Variants in NPEPPS observed in about 807,000 individuals in gnomAD.
NPEPPS encodes aminopeptidase puromycin sensitive.
Under a neutral mutation model 115.5 loss-of-function variants are expected in NPEPPS, and 14 were observed. The ratio of observed to expected loss-of-function variants is 0.12; its 90% CI spans 0.08 to 0.19. NPEPPS has a LOEUF of 0.19. Ranked by LOEUF, NPEPPS falls within the 10% of genes least tolerant of loss-of-function variation. NPEPPS has a pLI of 1.00. For synonymous variants in NPEPPS, 285 were observed against 390.6 expected (o/e 0.73, Z 3.19); for missense variants, 523 against 1,110.8 (o/e 0.47, Z 7.52).
intron 17 of NPEPPS, 96 bp from the exon 18 acceptor site, chr17:47,612,364 A>G: frequency 8.0e-7 from 1 of 1,254,552 alleles, no homozygotes; most frequent in South Asian, 1.4e-5. Flanking sequence ...TCAAGACCAT[A>G]GAATTGGTAT....
intron 22 of NPEPPS, among the ~76,000 whole-genome samples, chr17:47,621,149 C>T (rs897600031): frequency 1.4e-5 from 2 of 140,348 alleles, no homozygotes; most frequent in Non-Finnish European, 3.0e-5. Context: ...TCATTGCACT[C>T]TAGCCTGGGC....
Position 47,543,114 on chromosome 17 carries a change from C to G in NPEPPS, c.256-2795C>G, listed in dbSNP as rs181185621. Among the ~76,000 whole-genome samples, 247 of 149,924 alleles carry G rather than the reference C, an allele frequency of 1.6e-3. 2 individuals carry two copies. The highest frequency in any genetic ancestry group is 5.9e-3 in the African/African-American group (241 of 40,758). ...ATCGCAAGATCGCATCATTGGCACT[C>G]CATCCTGGGCGAGAGAGCGAGACTC... On this transcript the variant is annotated intron_variant, in intron 1 of 22. Transcript: ENST00000322157.
intron 2 of NPEPPS, among the ~76,000 whole-genome samples, chr17:47,550,328 T>TG (rs1210368996): frequency 1.4e-5 from 2 of 145,902 alleles, no homozygotes; most frequent in African/African-American, 5.0e-5. Context: ...GGCATGTGTG[T>TG]GTTTTTTTTT....
rs908738536 is a variant in NPEPPS at position 47,586,013 on chromosome 17, C to T, written c.850-135C>T. The T allele has an allele frequency of 1.4e-5, 13 of 948,762 alleles. No individual in the cohort carries two copies. In the Admixed American group the frequency reaches 2.5e-4, roughly 18 times the overall value. The allele number at this position is 948,762 out of a possible 1,614,324, so 58.8% of individuals were successfully genotyped here. A position where few individuals can be genotyped will look rare whatever the true frequency, so the allele number is the denominator to read the frequency against. On this transcript the variant is annotated intron_variant, in intron 6 of 22. Coordinates refer to ENST00000322157, the MANE Select transcript of NPEPPS (RefSeq NM_006310.4). ...CAAAGTTTGGAGCTAAGGCAGTCTT[C>T]GGAGGGTAGGGCTCCTCGGGATTCA...
At chr17:47,546,603 A>G (rs1277810827) in intron 2 of NPEPPS, among the ~76,000 whole-genome samples, 1 of 151,904 alleles carries the variant, frequency 6.6e-6, no homozygotes, top group Non-Finnish European at 1.5e-5. Flanking sequence ...CAGTGGCGTG[A>G]TCTCAGCTCA....
chr17:47,588,479 A>G (rs112786051), intron 9 of NPEPPS, among the ~76,000 whole-genome samples: 5 of 151,128 alleles, frequency 3.3e-5, no homozygotes, highest in South Asian at 2.1e-4. Context: ...CAGAAGAATC[A>G]CTTGAACCTG....
At chr17:47,611,321 G>A (rs996419886) in intron 17 of NPEPPS, among the ~76,000 whole-genome samples, 3 of 151,858 alleles carry the variant, frequency 2.0e-5, no homozygotes, top group South Asian at 2.1e-4. Flanking sequence ...TTAGCCGGGC[G>A]TGGTGGCACA....
At chr17:47,567,081 A>G (rs532430676) in intron 2 of NPEPPS, among the ~76,000 whole-genome samples, 1 of 152,304 alleles carries the variant, frequency 6.6e-6, no homozygotes, top group South Asian at 2.1e-4. Context: ...TCCTGTCTCA[A>G]AAAACAAAAC....
chr17:47,554,328 C>T (rs1287126991), intron 2 of NPEPPS, among the ~76,000 whole-genome samples: 4 of 152,172 alleles, frequency 2.6e-5, no homozygotes, highest in Admixed American at 2.6e-4. Context: ...GCATGAGCCA[C>T]CGCGCCCAGC....
chr17:47,613,476 AGGCT>A (rs1245676300), intron 18 of NPEPPS, among the ~76,000 whole-genome samples, 189 bp from the exon 19 acceptor site: 1 of 151,934 alleles, frequency 6.6e-6, no homozygotes, highest in Non-Finnish European at 1.5e-5. Flanking sequence ...CATGTTGACC[AGGCT>A]GGCCTGGAAC....
At chr17:47,548,999 A>G (rs2143724950) in intron 2 of NPEPPS, among the ~76,000 whole-genome samples, 1 of 152,276 alleles carries the variant, frequency 6.6e-6, no homozygotes, top group South Asian at 2.1e-4. Flanking sequence ...TTAATGGAAA[A>G]GGAGATTTGA....
rs373373883 is a variant in NPEPPS, at chr17:47,618,398, G to A, written c.2344G>A (p.Val782Ile). 183 of 1,613,750 alleles carry A rather than the reference G, an allele frequency of 1.1e-4. No individual in the cohort carries two copies. Among genetic ancestry groups the A allele is most frequent in the Non-Finnish European group, 1.3e-4 (158 of 1,179,856 alleles). Residue 782 changes from valine (V) to isoleucine (I), a missense_variant, in exon 20 of 23, where the codon GTC (valine) becomes ATC (isoleucine). By Grantham distance (29) the Val-to-Ile change is conservative. Transcript: ENST00000322157. ...AGAAGAGAAAAACCGAATCGAAAGAGTCCTTGGCGCTACTCTTTTGCCTGA... is the reference window on the plus strand; with the variant it reads ...AGAAGAGAAAAACCGAATCGAAAGAATCCTTGGCGCTACTCTTTTGCCTGA... Reference protein sequence around the residue: ...MQEEKNRIERVLGATLLPDLI... With the variant: ...MQEEKNRIERILGATLLPDLI...
intron 5 of NPEPPS, among the ~76,000 whole-genome samples, 174 bp from the exon 6 acceptor site, chr17:47,585,326 C>CT (rs1912119212): frequency 6.6e-6 from 1 of 152,118 alleles, no homozygotes; most frequent in African/African-American, 2.4e-5. Context: ...TATCAGACCA[C>CT]TTTCCTTCTT....
At chr17:47,611,761 C>T (rs1913890334) in intron 17 of NPEPPS, among the ~76,000 whole-genome samples, 1 of 152,212 alleles carries the variant, frequency 6.6e-6, no homozygotes, top group South Asian at 2.1e-4. Context: ...GCATGAGCTA[C>T]TGTGCCTGGC....
intron 2 of NPEPPS, chr17:47,548,408 A>G (rs1324796309): frequency 2.0e-5 from 3 of 151,942 alleles, no homozygotes; most frequent in African/African-American, 7.3e-5. Flanking sequence ...CAAAGCAACA[A>G]GGCTTTCTTT....
chr17:47,533,140 A>T (rs1907945757), intron 1 of NPEPPS, among the ~76,000 whole-genome samples: 1 of 152,220 alleles, frequency 6.6e-6, no homozygotes, highest in Non-Finnish European at 1.5e-5. Flanking sequence ...ACAGAATTTA[A>T]AAGTATAGTT....
At chr17:47,617,117 C>G (rs1914255639) in intron 19 of NPEPPS, among the ~76,000 whole-genome samples, 1 of 152,096 alleles carries the variant, frequency 6.6e-6, no homozygotes, top group African/African-American at 2.4e-5. Flanking sequence ...GAAAATAAAA[C>G]TTACCTATAG....
At chr17:47,532,302 C>T (rs1355944640) in intron 1 of NPEPPS, among the ~76,000 whole-genome samples, 1 of 152,216 alleles carries the variant, frequency 6.6e-6, no homozygotes, top group Middle Eastern at 3.4e-3. Context: ...CCTAGCTTTG[C>T]GGCCTTCGAA....
At chr17:47,610,756 T>C (rs923356754) in intron 17 of NPEPPS, among the ~76,000 whole-genome samples, 1 of 152,144 alleles carries the variant, frequency 6.6e-6, no homozygotes, top group South Asian at 2.1e-4. Context: ...AATTCTGTTA[T>C]GCACATTTGT....
Sources: allele counts gnomAD v4.1 joint callset (sites outside exome capture counted in the v4.1 genomes callset), GRCh38; gene constraint gnomAD v4.1.1; transcripts MANE v1.5; gene names NCBI Gene and HGNC (gene_info 2026-07-23, HGNC 2026-07-21).